Variants in CARD8 observed in about 807,000 individuals in gnomAD.
CARD8 encodes caspase recruitment domain family member 8.
CARD8 carries 38 observed loss-of-function variants against 53.2 expected under a neutral mutation model. That is an observed-to-expected ratio of 0.71 (90% CI 0.55 to 0.94). The LOEUF is 0.94. Among genes scored for constraint, CARD8 ranks in the 40% least tolerant of loss-of-function variants. The pLI is 0.00. For synonymous variants in CARD8, 245 were observed against 244.9 expected, an observed-to-expected ratio of 1.00 and a Z score of 0.00; for missense variants, 561 against 655.5, an observed-to-expected ratio of 0.86 and a Z score of 1.57.
chr19:48,226,592 G>T (rs2041836940), intron 10 of CARD8, among the ~76,000 whole-genome samples: 1 of 152,066 alleles, frequency 6.6e-6, no homozygotes, highest in Non-Finnish European at 1.5e-5. Context: ...GCATGTAATG[G>T]GGGTATTACT....
chr19:48,239,885 G>C (rs1011619172), intron 4 of CARD8, among the ~76,000 whole-genome samples: 1 of 152,132 alleles, frequency 6.6e-6, no homozygotes, highest in Non-Finnish European at 1.5e-5. Flanking sequence ...TGGTAGATCA[G>C]TGTCTGCTCC....
Position 48,211,819 on chromosome 19 carries a change from A to G in CARD8, c.1505T>C (p.Leu502Ser). 2 of 1,614,172 alleles carry G rather than the reference A, an allele frequency of 1.2e-6. No homozygotes were observed. Among genetic ancestry groups the G allele is most frequent in the Non-Finnish European group, 1.7e-6 (2 of 1,180,036 alleles). ...EKTRQSKNEALLSMVEKKGDL... is the reference protein window; with the variant it reads ...EKTRQSKNEASLSMVEKKGDL... ...CCCTTTCTTCTCCACCATGCTCAGCAAGGCCTCATTCTTGCTCTGCCGTGT... is the reference window on the plus strand; with the variant it reads ...CCCTTTCTTCTCCACCATGCTCAGCGAGGCCTCATTCTTGCTCTGCCGTGT... Residue 502 changes from leucine (L) to serine (S), a missense_variant, in exon 14 of 14, where the codon TTG (leucine) becomes TCG (serine). Coordinates refer to ENST00000651546, the MANE Select transcript of CARD8 (RefSeq NM_001184900.3).
rs910190842 is a variant in CARD8 at position 48,220,440 on chromosome 19, C to T, written c.1161+1290G>A. Reference sequence around the variant, plus strand: ...TCCGCAAACAGGAAAAAGCCATCTACGCCAAAACAATAACATTGGTCCGTC... The same window carrying T: ...TCCGCAAACAGGAAAAAGCCATCTATGCCAAAACAATAACATTGGTCCGTC... On this transcript the variant is annotated intron_variant, in intron 11 of 13. Transcript: ENST00000651546. Among the ~76,000 whole-genome samples the T allele has an allele frequency of 1.0e-4, 15 of 144,122 alleles. No individual in the cohort carries two copies. The East Asian group carries it at 1.6e-3, about 15-fold the overall frequency. The allele number at this position is 144,122 out of a possible 152,430, so 94.5% of individuals were successfully genotyped here.
At chr19:48,216,690 A>G (rs967893723) in intron 12 of CARD8, among the ~76,000 whole-genome samples, 2 of 134,006 alleles carry the variant, frequency 1.5e-5, no homozygotes, top group African/African-American at 5.2e-5. Context: ...GTGAGGATTC[A>G]GTGGAGGAAG....
chr19:48,233,501 T>C (rs17589011), intron 6 of CARD8: 27,494 of 421,564 alleles, frequency 0.065, 1,203 homozygotes, highest in Non-Finnish European at 0.098. Flanking sequence ...GCTGACATCC[T>C]AAGACTGGTT....
At chr19:48,248,718 T>G (rs1202658719) in intron 3 of CARD8, among the ~76,000 whole-genome samples, 1 of 152,208 alleles carries the variant, frequency 6.6e-6, no homozygotes, top group Non-Finnish European at 1.5e-5. Context: ...TGAAATTATG[T>G]GTGGACAAGA....
At chr19:48,222,112 T>C (rs1001196726) in intron 10 of CARD8, among the ~76,000 whole-genome samples, 1 of 152,206 alleles carries the variant, frequency 6.6e-6, no homozygotes, top group African/African-American at 2.4e-5. Context: ...TTCTTGTGAA[T>C]GTGAACTTAT....
chr19:48,214,282 C>T (rs1228880846), intron 13 of CARD8, among the ~76,000 whole-genome samples: 1 of 152,128 alleles, frequency 6.6e-6, no homozygotes, highest in Non-Finnish European at 1.5e-5. Context: ...TGTCAGGCAA[C>T]CATCAGGTGA....
chr19:48,211,403 A>C lies in CARD8; in HGVS notation c.*307T>G. ...GGCCCCATCCTTCATAAACACACCTATCCGGATGTCCTTTATCCTGGGTCT... is the reference window on the plus strand; with the variant it reads ...GGCCCCATCCTTCATAAACACACCTCTCCGGATGTCCTTTATCCTGGGTCT... On this transcript the variant is annotated 3_prime_UTR_variant, in exon 14 of 14. Transcript: ENST00000651546. 3.9e-6 allele frequency: 1 copy of C among 258,358 alleles called. No homozygotes were observed. The highest frequency in any genetic ancestry group is 7.5e-6 in the Non-Finnish European group (1 of 134,054). The allele number at this position is 258,358 out of a possible 1,614,324, so 16.0% of individuals were successfully genotyped here.
At chr19:48,251,062 C>A (rs2046877948) in intron 1 of CARD8, among the ~76,000 whole-genome samples, 1 of 152,120 alleles carries the variant, frequency 6.6e-6, no homozygotes, top group South Asian at 2.1e-4. Context: ...GGCCTGCTTT[C>A]TTATTTTGTG....
chr19:48,242,194 G>T (rs536744545), intron 3 of CARD8, among the ~76,000 whole-genome samples: 150 of 152,216 alleles, frequency 9.9e-4, no homozygotes, highest in Non-Finnish European at 1.9e-3. Flanking sequence ...AGGTCATGAG[G>T]GTGGAATCCT....
chr19:48,226,591 G>T (rs372953498), intron 10 of CARD8, among the ~76,000 whole-genome samples: 1 of 152,082 alleles, frequency 6.6e-6, no homozygotes, highest in African/African-American at 2.4e-5. Flanking sequence ...TGCATGTAAT[G>T]GGGGTATTAC....
intron 6 of CARD8, 85 bp downstream of exon 6, chr19:48,234,316 AAC>A (rs2043458346): frequency 7.2e-7 from 1 of 1,388,500 alleles, no homozygotes; most frequent in Admixed American, 2.3e-5. Context: ...TTCGATGAAA[AAC>A]ACCCAAATTC....
rs274864 is a variant in CARD8, at chr19:48,230,005, C to T, written c.1035+433G>A. Among the ~76,000 whole-genome samples the T allele has an allele frequency of 4.6e-3, 705 of 152,202 alleles. 9 individuals carry two copies. Among genetic ancestry groups the T allele is most frequent in the African/African-American group, 0.016 (677 of 41,530 alleles). The stretch of plus-strand genomic sequence containing the variant: ...GCGGGCACCTGCAATCCCAGCTACT[C>T]AAGAGGCTGAGGCAGGAGAATCGCT... On this transcript the variant is annotated intron_variant, in intron 10 of 13. Transcript: ENST00000651546.
intron 13 of CARD8, among the ~76,000 whole-genome samples, chr19:48,213,376 ATTTATTTATTTATTTT>A: frequency 6.6e-6 from 1 of 151,386 alleles, no homozygotes; most frequent in East Asian, 1.9e-4. Context: ...TTATTTACTT[ATTTATTTATTTATTTT>A]GAGACAAAGT....
chr19:48,215,959 C>T (rs1194714460), intron 12 of CARD8, among the ~76,000 whole-genome samples: 1 of 152,004 alleles, frequency 6.6e-6, no homozygotes, highest in African/African-American at 2.4e-5. Flanking sequence ...CCTTTGGCAG[C>T]AGCTCAGTCA....
intron 5 of CARD8, among the ~76,000 whole-genome samples, chr19:48,235,265 G>A (rs1181295533): frequency 6.6e-6 from 1 of 152,140 alleles, no homozygotes; most frequent in Non-Finnish European, 1.5e-5. Flanking sequence ...AGGAGTGATG[G>A]AGTGTCCTTT....
intron 6 of CARD8, chr19:48,233,400 G>A: frequency 2.2e-6 from 1 of 456,278 alleles, no homozygotes; most frequent in Non-Finnish European, 4.4e-6. Flanking sequence ...AAAAAGAACA[G>A]GTACCTAGAG....
chr19:48,221,168 A>T (rs1600210149), intron 11 of CARD8, among the ~76,000 whole-genome samples: 2 of 152,206 alleles, frequency 1.3e-5, no homozygotes, highest in East Asian at 3.8e-4. Flanking sequence ...GTAAAACCAT[A>T]TGAATGGAAA....
Sources: allele counts gnomAD v4.1 joint callset (sites outside exome capture counted in the v4.1 genomes callset), GRCh38; gene constraint gnomAD v4.1.1; transcripts MANE v1.5; gene names NCBI Gene and HGNC (gene_info 2026-07-23, HGNC 2026-07-21).